PROS1: variants seen among roughly 807,000 people sequenced by gnomAD.
PROS1 encodes the protein vitamin K-dependent protein S.
Under a neutral mutation model 75.9 loss-of-function variants are expected in PROS1, and 29 were observed. That is an observed-to-expected ratio of 0.38 (90% CI 0.28 to 0.52). The LOEUF is 0.52. Ranked by LOEUF, PROS1 falls within the 20% of genes least tolerant of loss-of-function variation. The pLI is 0.83. For missense variants in PROS1, 680 were observed against 810.3 expected (o/e 0.84, Z 1.95); for synonymous variants, 245 against 280.6 (o/e 0.87, Z 1.27).
intron 1 of PROS1, among the ~76,000 whole-genome samples, chr3:93,932,742 A>T (rs1427489537): frequency 6.6e-6 from 1 of 152,168 alleles, no homozygotes; most frequent in Non-Finnish European, 1.5e-5. Flanking sequence ...CCTCCAAAAA[A>T]TAATTTATTG....
intron 1 of PROS1, among the ~76,000 whole-genome samples, chr3:93,971,333 G>T (rs1182934335): frequency 2.0e-5 from 3 of 149,360 alleles, no homozygotes; most frequent in Non-Finnish European, 4.4e-5. Flanking sequence ...TCCAGCCTGG[G>T]CAACAGAGCA....
chr3:93,954,621 C>A (rs1286926493), intron 1 of PROS1, among the ~76,000 whole-genome samples: 1 of 152,136 alleles, frequency 6.6e-6, no homozygotes, highest in Non-Finnish European at 1.5e-5. Context: ...ACCATAAAAA[C>A]CCTAGAAGAT....
chr3:93,898,392 C>T (rs1708534508), intron 8 of PROS1, 56 bp downstream of exon 8: 2 of 1,589,818 alleles, frequency 1.3e-6, no homozygotes, highest in African/African-American at 2.7e-5. Flanking sequence ...AAATAAGTAT[C>T]TAGGATCTCT....
chr3:93,943,355 T>C (rs974913110), intron 1 of PROS1, among the ~76,000 whole-genome samples: 1 of 152,108 alleles, frequency 6.6e-6, no homozygotes, highest in Admixed American at 6.5e-5. Flanking sequence ...CTCCCAATTC[T>C]TAGTCCTTTA....
intron 10 of PROS1, among the ~76,000 whole-genome samples, chr3:93,889,069 C>G (rs549751776): frequency 3.9e-5 from 6 of 152,132 alleles, no homozygotes; most frequent in Non-Finnish European, 7.4e-5. Context: ...TTACATGGTA[C>G]AGAATCTTTT....
chr3:93,875,780 A>G (rs1708178561), intron 14 of PROS1, among the ~76,000 whole-genome samples: 1 of 152,164 alleles, frequency 6.6e-6, no homozygotes, highest in Non-Finnish European at 1.5e-5. Context: ...CAAGACCATG[A>G]GCAGTTTAAG....
At chr3:93,886,562 A>C (rs1708352631) in intron 10 of PROS1, 59 bp from the exon 11 acceptor site, 1 of 1,284,704 alleles carries the variant, frequency 7.8e-7, no homozygotes, top group African/African-American at 1.5e-5. Context: ...CATTTGAAAT[A>C]CTGGGATCTA....
intron 1 of PROS1, among the ~76,000 whole-genome samples, chr3:93,962,639 C>T (rs1709724138): frequency 6.6e-6 from 1 of 152,126 alleles, no homozygotes; most frequent in African/African-American, 2.4e-5. Flanking sequence ...GGAATTGAGG[C>T]TTATGCAAGT....
chr3:93,950,143 C>T (rs1294153635), intron 1 of PROS1, among the ~76,000 whole-genome samples: 2 of 152,168 alleles, frequency 1.3e-5, no homozygotes, highest in Non-Finnish European at 2.9e-5. Context: ...GGAAGCGCGT[C>T]TGCCATTGCT....
At chr3:93,958,066 C>T (rs2107255656) in intron 1 of PROS1, among the ~76,000 whole-genome samples, 1 of 151,664 alleles carries the variant, frequency 6.6e-6, no homozygotes, top group East Asian at 1.9e-4. Context: ...CCAGCCTGGG[C>T]AACAGAGCAA....
chr3:93,892,578 C>T (rs1708446205), intron 10 of PROS1, among the ~76,000 whole-genome samples: 1 of 150,940 alleles, frequency 6.6e-6, no homozygotes, highest in Non-Finnish European at 1.5e-5. Context: ...GAGCTGAGAT[C>T]ACGCCACTGC....
chr3:93,967,045 T>A lies in PROS1; in HGVS notation c.76+6629A>T, dbSNP rs1709802231. 2.6e-5 allele frequency among the ~76,000 whole-genome samples: 4 copies of A among 152,282 alleles called. No homozygotes were observed. The South Asian group carries it at 8.3e-4, about 32-fold the overall frequency. ...CCCCAGTCTAATGTTTATCCAATAT[T>A]TATTTAAAAAGGAAGCCACAGTGGC... On this transcript the variant is annotated intron_variant, in intron 1 of 14. Coordinates refer to ENST00000394236, the MANE Select transcript of PROS1 (RefSeq NM_000313.4).
rs771129403 is a variant in PROS1, at chr3:93,971,383, ATAAATAAATAAATAAATAATTC to A, written c.76+2269_76+2290del. ...AATAAATAAATAAATAAATAAATAAATAAATAAATAAATAAATAATTCTAAATAAAGAACTACACAATGAATT... is the reference window on the plus strand; with the variant it reads ...AATAAATAAATAAATAAATAAATAAATAAATAAAGAACTACACAATGAATT... On this transcript the variant is annotated intron_variant, in intron 1 of 14. Transcript: ENST00000394236. 5.1e-3 allele frequency among the ~76,000 whole-genome samples: 755 copies of A among 149,262 alleles called. 3 individuals carry two copies. Among genetic ancestry groups the A allele is most frequent in the South Asian group, 9.8e-3 (46 of 4,672 alleles).
intron 1 of PROS1, 133 bp from the exon 2 acceptor site, chr3:93,927,540 A>G (rs1709038200): frequency 4.5e-6 from 5 of 1,118,578 alleles, no homozygotes; most frequent in Non-Finnish European, 5.0e-6. Context: ...TGATCGAACT[A>G]AGAAAAAAAT....
intron 12 of PROS1, among the ~76,000 whole-genome samples, chr3:93,884,243 GAC>G (rs1708313496): frequency 6.6e-6 from 1 of 152,194 alleles, no homozygotes; most frequent in Admixed American, 6.5e-5. Flanking sequence ...ACTCAGATAT[GAC>G]ACAGTTGGAA....
chr3:93,898,632 C>A (rs1708538972), intron 7 of PROS1, 63 bp from the exon 8 acceptor site: 2 of 1,566,530 alleles, frequency 1.3e-6, no homozygotes, highest in Admixed American at 1.7e-5. Context: ...ATCTTATAGG[C>A]AGAGGAATAT....
chr3:93,928,336 G>A (rs1230255394), intron 1 of PROS1, among the ~76,000 whole-genome samples: 17 of 149,254 alleles, frequency 1.1e-4, no homozygotes, highest in Non-Finnish European at 2.4e-4. Context: ...AAAAAAATCT[G>A]AAAAAAAAGA....
intron 1 of PROS1, among the ~76,000 whole-genome samples, chr3:93,962,962 T>C (rs1165317599): frequency 6.6e-6 from 1 of 152,202 alleles, no homozygotes; most frequent in Non-Finnish European, 1.5e-5. Context: ...ATGGGAACCA[T>C]AGTAAGAGAA....
Position 93,968,230 on chromosome 3 carries a change from C to A in PROS1, c.76+5444G>T, listed in dbSNP as rs750890419. On this transcript the variant is annotated intron_variant, in intron 1 of 14. Transcript: ENST00000394236. ...GCAGATGATCAAATTAAGATGAGGT[C>A]ATTAGGGTAGGCCTTAATCCAGTGA... Among the ~76,000 whole-genome samples, 4 of 152,074 alleles carry A rather than the reference C, an allele frequency of 2.6e-5. No homozygotes were observed. The South Asian group carries it at 8.3e-4, about 32-fold the overall frequency.
Sources: allele counts gnomAD v4.1 joint callset (sites outside exome capture counted in the v4.1 genomes callset), GRCh38; gene constraint gnomAD v4.1.1; transcripts MANE v1.5; gene names NCBI Gene and HGNC (gene_info 2026-07-23, HGNC 2026-07-21).